Variants in WNT3A observed in about 807,000 individuals in gnomAD.
WNT3A encodes the protein Wnt family member 3A, also known as protein Wnt-3a.
WNT3A carries 17 observed loss-of-function variants against 37.0 expected under a neutral mutation model. The observed-to-expected ratio is 0.46, with a 90% CI of 0.31 to 0.69. The LOEUF is 0.69. WNT3A is among the 30% of genes least tolerant of loss of function. WNT3A has a pLI of 0.05. For missense variants in WNT3A, 411 were observed against 510.2 expected (o/e 0.81, Z 1.87); for synonymous variants, 187 against 211.0 (o/e 0.89, Z 0.99).
chr1:228,055,534 T>C (rs2031668427), intron 3 of WNT3A, among the ~76,000 whole-genome samples: 1 of 151,662 alleles, frequency 6.6e-6, no homozygotes, highest in Admixed American at 6.6e-5. Context: ...ATAGATTAGA[T>C]AGATGGATGA....
chr1:228,033,317 G>A (rs577436484), intron 2 of WNT3A, among the ~76,000 whole-genome samples: 1 of 151,754 alleles, frequency 6.6e-6, no homozygotes, highest in Non-Finnish European at 1.5e-5. Flanking sequence ...GCGTTTTAGT[G>A]CTTACATCTC....
At position 228,058,914 on chromosome 1, in the gene WNT3A, A is replaced by T. The variant is rs192491388; in HGVS notation, c.580-72A>T. 1,359 of 1,432,224 alleles carry T rather than the reference A, an allele frequency of 9.5e-4. 18 individuals are homozygous for T. Among genetic ancestry groups the T allele is most frequent in the Non-Finnish European group, 1.0e-4 (111 of 1,061,928 alleles). The allele number at this position is 1,432,224 out of a possible 1,614,324, so 88.7% of individuals were successfully genotyped here. On this transcript the variant is annotated intron_variant, in intron 3 of 3. Transcript: ENST00000284523. ...ATGGAGCAGGTAGGCTGCAGGCGAC[A>T]TGTAATGCTGTTTCCTCGGGGAGAC... is the stretch of plus-strand genomic sequence containing the variant.
chr1:228,030,974 G>T (rs570248706), intron 2 of WNT3A, among the ~76,000 whole-genome samples: 1 of 152,352 alleles, frequency 6.6e-6, no homozygotes, highest in South Asian at 2.1e-4. Context: ...CCTGGCATGT[G>T]CACTGACCAG....
intron 1 of WNT3A, among the ~76,000 whole-genome samples, chr1:228,020,093 G>A (rs924421926): frequency 2.0e-5 from 3 of 152,240 alleles, no homozygotes; most frequent in Non-Finnish European, 4.4e-5. Context: ...GCATGGTGGT[G>A]CACACCTGTA....
intron 2 of WNT3A, among the ~76,000 whole-genome samples, chr1:228,028,678 G>A (rs1007816976): frequency 2.0e-5 from 3 of 152,080 alleles, no homozygotes; most frequent in Non-Finnish European, 4.4e-5. Flanking sequence ...AATGATGTTG[G>A]CATTTTGAGG....
rs1046831591 is a variant in WNT3A at position 228,059,849 on chromosome 1, G to A, written c.*384G>A. On this transcript the variant is annotated 3_prime_UTR_variant, in exon 4 of 4. Coordinates refer to ENST00000284523, the MANE Select transcript of WNT3A (RefSeq NM_033131.4). ...CCCTCCCAGTAAGGGCGTGGCTCTG[G>A]GTGGGCGGGGCACTAGGTAGGCTTC... The A allele has an allele frequency of 1.9e-6, 2 of 1,070,270 alleles. No homozygotes were observed. Among genetic ancestry groups the A allele is most frequent in the African/African-American group, 3.4e-5 (2 of 59,052 alleles). The allele number at this position is 1,070,270 out of a possible 1,614,324, so 66.3% of individuals were successfully genotyped here. A position where few individuals can be genotyped will look rare whatever the true frequency, so the allele number is the denominator to read the frequency against.
At chr1:228,011,522 T>C (rs1018579852) in intron 1 of WNT3A, among the ~76,000 whole-genome samples, 1 of 152,212 alleles carries the variant, frequency 6.6e-6, no homozygotes, top group African/African-American at 2.4e-5. Context: ...AGTTTCTCCC[T>C]GTCTGTCTCT....
intron 2 of WNT3A, among the ~76,000 whole-genome samples, chr1:228,028,354 A>G (rs1236255173): frequency 1.4e-5 from 2 of 139,374 alleles, no homozygotes; most frequent in African/African-American, 5.5e-5. Context: ...AGTACAGTGG[A>G]GTGATCTCGG....
chr1:228,053,276 G>A (rs111296086), intron 3 of WNT3A, among the ~76,000 whole-genome samples: 5 of 152,222 alleles, frequency 3.3e-5, no homozygotes, highest in African/African-American at 1.2e-4. Context: ...GACTAAGACA[G>A]ATAGCAACAT....
chr1:228,013,321 C>T (rs1477257290), intron 1 of WNT3A, among the ~76,000 whole-genome samples: 1 of 152,226 alleles, frequency 6.6e-6, no homozygotes, highest in African/African-American at 2.4e-5. Flanking sequence ...AGCCCTGAGG[C>T]TGGTGAGGGG....
Position 228,061,063 on chromosome 1 carries a change from C to T in WNT3A, c.*1598C>T, listed in dbSNP as rs922892141. The T allele has an allele frequency of 1.3e-5, 2 of 152,710 alleles. No individual in the cohort carries two copies. The highest frequency in any genetic ancestry group is 2.9e-5 in the Non-Finnish European group (2 of 68,088). 9.5% of individuals were successfully genotyped at this position (152,710 alleles called of 1,614,324 possible). On this transcript the variant is annotated 3_prime_UTR_variant, in exon 4 of 4. Transcript: ENST00000284523. ...GCCGCTGAACCCACCCGGCCCATAT[C>T]CCTGGTTGCCTCATGGCCAGCGCCC...
Position 228,022,647 on chromosome 1 carries a change from C to T in WNT3A, c.72-20C>T. ...CGCTGTCCCAGCCCCACACTCACCA[C>T]CGGATCTTGCCCTCTGCAGGTCGCT... is the stretch of plus-strand genomic sequence containing the variant. On this transcript the variant is annotated intron_variant, in intron 1 of 3. Coordinates refer to ENST00000284523, the MANE Select transcript of WNT3A (RefSeq NM_033131.4). 2 of 1,603,340 alleles carry T rather than the reference C, an allele frequency of 1.2e-6. No homozygotes were observed. Among genetic ancestry groups the T allele is most frequent in the Non-Finnish European group, 1.7e-6 (2 of 1,172,006 alleles).
rs1262525265 is a variant in WNT3A at position 228,050,505 on chromosome 1, A to G, written c.314-151A>G. The G allele has an allele frequency of 3.2e-6, 3 of 927,698 alleles. No individual in the cohort carries two copies. In the African/African-American group the frequency reaches 5.1e-5, roughly 16 times the overall value. 57.5% of individuals were successfully genotyped at this position (927,698 alleles called of 1,614,324 possible). ...AGCCATGCTTCTGTGTAGCCTGTAG[A>G]TCCGTGAACCAAGTAAGCCTCTTTG... On this transcript the variant is annotated intron_variant, in intron 2 of 3. Coordinates refer to ENST00000284523, the MANE Select transcript of WNT3A (RefSeq NM_033131.4). This position sits in a 1 kb window ranked among gnomAD's most constrained non-coding sequence, Gnocchi z 5.0.
At chr1:228,027,617 G>A (rs934733968) in intron 2 of WNT3A, among the ~76,000 whole-genome samples, 2 of 151,776 alleles carry the variant, frequency 1.3e-5, no homozygotes, top group African/African-American at 4.8e-5. Flanking sequence ...CTTTTTAATG[G>A]GATTATTTGT....
At chr1:228,040,112 C>A (rs891648241) in intron 2 of WNT3A, among the ~76,000 whole-genome samples, 5 of 152,170 alleles carry the variant, frequency 3.3e-5, no homozygotes, top group Admixed American at 1.3e-4. Context: ...TCCCTTGAGG[C>A]TATGGCCATG....
At chr1:228,016,982 C>T (rs939627785) in intron 1 of WNT3A, among the ~76,000 whole-genome samples, 4 of 152,178 alleles carry the variant, frequency 2.6e-5, no homozygotes, top group Admixed American at 1.3e-4. Context: ...CACTGGGGGT[C>T]GCATTTCAAC....
rs2030250328 is a variant in WNT3A, at chr1:228,007,912, C to A, written c.71+713C>A. ...GCACGGGGTGTGAGGGGCTCCAGGACCCTCAATCAGAAAGCGCTGTGCTGC... is the reference window on the plus strand; with the variant it reads ...GCACGGGGTGTGAGGGGCTCCAGGAACCTCAATCAGAAAGCGCTGTGCTGC... On this transcript the variant is annotated intron_variant, in intron 1 of 3. Transcript: ENST00000284523. This position sits in a 1 kb window ranked among gnomAD's most constrained non-coding sequence, Gnocchi z 6.0. Among the ~76,000 whole-genome samples the A allele has an allele frequency of 6.6e-6, 1 of 152,186 alleles. No individual in the cohort carries two copies. The highest frequency in any genetic ancestry group is 2.4e-5 in the African/African-American group (1 of 41,456).
chr1:228,047,164 A>C (rs536513944), intron 2 of WNT3A, among the ~76,000 whole-genome samples: 10 of 152,126 alleles, frequency 6.6e-5, no homozygotes, highest in Non-Finnish European at 1.5e-4. Context: ...GATACAGAAG[A>C]AATGGACAGT....
chr1:228,042,716 T>C lies in WNT3A; in HGVS notation c.314-7940T>C, dbSNP rs1180453356. ...TGGATGGATGGTGGATGATGGATGATAGATGTATGGATAATGTATGGATAT... is the reference window on the plus strand; with the variant it reads ...TGGATGGATGGTGGATGATGGATGACAGATGTATGGATAATGTATGGATAT... On this transcript the variant is annotated intron_variant, in intron 2 of 3. Coordinates refer to ENST00000284523, the MANE Select transcript of WNT3A (RefSeq NM_033131.4). This position sits in a 1 kb window ranked among gnomAD's most constrained non-coding sequence, Gnocchi z 5.2. Among the ~76,000 whole-genome samples the C allele has an allele frequency of 6.6e-6, 1 of 151,190 alleles. No individual in the cohort carries two copies. The highest frequency in any genetic ancestry group is 2.4e-5 in the African/African-American group (1 of 41,056).
Sources: gnomAD v4.1 joint callset for allele counts (sites outside exome capture counted in the v4.1 genomes callset) on GRCh38, gnomAD v4.1.1 for gene constraint, Gnocchi (gnomAD v3.1) non-coding constraint, MANE v1.5 for transcripts, NCBI Gene and HGNC (gene_info 2026-07-23, HGNC 2026-07-21) for gene names.